Variants in C12orf42 observed in about 807,000 individuals in gnomAD.
The protein encoded by C12orf42 is chromosome 12 open reading frame 42, also known as uncharacterized protein C12orf42.
In C12orf42, 25 loss-of-function variants were observed where a neutral mutation model predicts 21.6. That is an observed-to-expected ratio of 1.16 (90% confidence interval 0.84 to 1.62). The LOEUF is 1.62. C12orf42 is among the 40% of genes most tolerant of loss of function. The probability of loss-of-function intolerance (pLI) is 0.00; values close to 1 mark genes in which losing one functional copy is unlikely to be tolerated. For missense variants in C12orf42, 483 were observed against 459.3 expected (o/e 1.05, Z -0.47); for synonymous variants, 174 against 175.0 (o/e 0.99, Z 0.05).
At chr12:103,416,225 G>A (rs1285785306) in intron 2 of C12orf42, among the ~76,000 whole-genome samples, 1 of 97,448 alleles carries the variant, frequency 1.0e-5, no homozygotes, top group Non-Finnish European at 2.5e-5. Context: ...AAAAAGTAAT[G>A]TAGGTTAAAA....
chr12:103,499,980 A>G (rs1440961892), upstream of C12orf42, among the ~76,000 whole-genome samples: 1 of 152,206 alleles, frequency 6.6e-6, no homozygotes, highest in Admixed American at 6.5e-5. Flanking sequence ...TGAAAACAGA[A>G]TCCTTAATAT....
intron 2 of C12orf42, among the ~76,000 whole-genome samples, chr12:103,419,050 A>T (rs2049624095): frequency 6.6e-6 from 1 of 152,130 alleles, no homozygotes; most frequent in African/African-American, 2.4e-5. Flanking sequence ...AGCCATCCAA[A>T]CTTAGATCTG....
chr12:103,556,384 CG>C, the C12orf42 span, among the ~76,000 whole-genome samples: 1 of 152,124 alleles, frequency 6.6e-6, no homozygotes, highest in Non-Finnish European at 1.5e-5. Context: ...GACTGAAAAT[CG>C]GGGCTTAGTC....
At chr12:103,135,147 T>A in the C12orf42 span, among the ~76,000 whole-genome samples, 1 of 152,002 alleles carries the variant, frequency 6.6e-6, no homozygotes, top group Non-Finnish European at 1.5e-5. Flanking sequence ...TACTGGTAGA[T>A]CAAACACACA....
chr12:103,178,999 A>G, the C12orf42 span, among the ~76,000 whole-genome samples: 2 of 152,198 alleles, frequency 1.3e-5, no homozygotes, highest in African/African-American at 4.8e-5. Flanking sequence ...TCTTTCAGGA[A>G]CAACTCTGCT....
At chr12:103,368,728 G>T (rs762102228) in intron 4 of C12orf42, among the ~76,000 whole-genome samples, 159 bp downstream of exon 4, 2 of 151,954 alleles carry the variant, frequency 1.3e-5, no homozygotes, top group Non-Finnish European at 2.9e-5. Flanking sequence ...GTCCATCTTT[G>T]GATTTACTAA....
chr12:103,094,196 C>T, the C12orf42 span, among the ~76,000 whole-genome samples: 8 of 152,170 alleles, frequency 5.3e-5, no homozygotes, highest in African/African-American at 1.9e-4. Flanking sequence ...TTTCTCATTC[C>T]TCCCACCTAT....
the C12orf42 span, among the ~76,000 whole-genome samples, chr12:103,530,484 G>A: frequency 2.0e-5 from 3 of 152,218 alleles, no homozygotes; most frequent in Non-Finnish European, 2.9e-5. Flanking sequence ...TGACGAGTGG[G>A]AAAGCCCCAT....
At chr12:103,063,378 A>G in the C12orf42 span, among the ~76,000 whole-genome samples, 1 of 152,180 alleles carries the variant, frequency 6.6e-6, no homozygotes, top group Non-Finnish European at 1.5e-5. Context: ...GGTGTTTAGT[A>G]TTAAAGTGAC....
chr12:103,460,198 A>G (rs1362747927), intron 2 of C12orf42, among the ~76,000 whole-genome samples: 1 of 152,054 alleles, frequency 6.6e-6, no homozygotes, highest in Non-Finnish European at 1.5e-5. Flanking sequence ...CCTTTACACA[A>G]TGATTCACGG....
the C12orf42 span, among the ~76,000 whole-genome samples, chr12:103,167,188 G>A: frequency 3.9e-5 from 6 of 152,020 alleles, no homozygotes; most frequent in Admixed American, 2.0e-4. Context: ...GGCCTGCTCC[G>A]ACTTGGCCCA....
the C12orf42 span, among the ~76,000 whole-genome samples, chr12:103,143,268 A>C: frequency 6.6e-6 from 1 of 152,256 alleles, no homozygotes; most frequent in Admixed American, 6.5e-5. Context: ...TGGGAGTTCA[A>C]TGCTCACTAA....
intron 3 of C12orf42, among the ~76,000 whole-genome samples, chr12:103,375,273 T>G (rs2045598250): frequency 6.6e-6 from 1 of 152,228 alleles, no homozygotes; most frequent in Non-Finnish European, 1.5e-5. Flanking sequence ...AATGAAAATT[T>G]AAATCTTTTT....
rs1230295680 is a variant in C12orf42, at chr12:103,342,004, CCTGA to C, written c.259+26879_259+26882del. 3.3e-5 allele frequency among the ~76,000 whole-genome samples: 5 copies of C among 151,960 alleles called. No individual in the cohort carries two copies. In the East Asian group the frequency reaches 9.7e-4, roughly 29 times the overall value. ...TTATGTGTCTGTTTCTCTGGAGAAC[CCTGA>C]CTAACAGAATCGAGAGAGAGAGAGA... On this transcript the variant is annotated intron_variant, in intron 4 of 5. Coordinates refer to ENST00000548883, the MANE Select transcript of C12orf42 (RefSeq NM_198521.5).
the C12orf42 span, among the ~76,000 whole-genome samples, chr12:103,562,314 G>A: frequency 6.6e-6 from 1 of 152,186 alleles, no homozygotes; most frequent in African/African-American, 2.4e-5. Flanking sequence ...AGTTGTGTGA[G>A]TCTCTGGCCA....
At position 103,383,195 on chromosome 12, in the gene C12orf42, G is replaced by C. The variant is rs147267099; in HGVS notation, c.148-14197C>G. On this transcript the variant is annotated intron_variant, in intron 3 of 5. Coordinates refer to ENST00000548883, the MANE Select transcript of C12orf42 (RefSeq NM_198521.5). ...GGCTGGAGTGCATTGGTGCAATCTT[G>C]GCTCATTGCAATTCTCTTGCCTCAG... Among the ~76,000 whole-genome samples the C allele has an allele frequency of 3.3e-4, 50 of 150,800 alleles. No individual in the cohort carries two copies. In the East Asian group the frequency reaches 8.6e-3, roughly 26 times the overall value.
chr12:103,168,058 C>G, the C12orf42 span: 1 of 455,472 alleles, frequency 2.2e-6, no homozygotes. Flanking sequence ...ATGGGAGAAA[C>G]AAGAAATGAT....
the C12orf42 span, among the ~76,000 whole-genome samples, chr12:103,228,495 G>A: frequency 6.6e-6 from 1 of 152,076 alleles, no homozygotes; most frequent in Non-Finnish European, 1.5e-5. Context: ...CAGGCCATCT[G>A]GGCATATACG....
downstream of C12orf42, among the ~76,000 whole-genome samples, chr12:103,234,027 G>A (rs147602966): frequency 1.5e-3 from 228 of 152,164 alleles, 1 homozygote; most frequent in Admixed American, 3.2e-3. Flanking sequence ...AATGGGTATT[G>A]GATTTTGTCA....
Sources: allele counts gnomAD v4.1 joint callset (sites outside exome capture counted in the v4.1 genomes callset), GRCh38; gene constraint gnomAD v4.1.1; transcripts MANE v1.5; gene names NCBI Gene and HGNC (gene_info 2026-07-23, HGNC 2026-07-21).